Variants in TMEM39A observed in about 807,000 individuals in gnomAD.
The protein encoded by TMEM39A is transmembrane protein 39A.
TMEM39A carries 19 observed loss-of-function variants against 51.9 expected under a neutral mutation model. The observed-to-expected ratio is 0.37, with a 90% CI of 0.26 to 0.54. The LOEUF (loss-of-function observed/expected upper bound fraction) is 0.54. Among genes scored for constraint, TMEM39A ranks in the 20% least tolerant of loss-of-function variants. The pLI is 0.88. For synonymous variants in TMEM39A, 197 were observed against 220.2 expected, an observed-to-expected ratio of 0.89 and a Z score of 0.93; for missense variants, 433 against 590.5, an observed-to-expected ratio of 0.73 and a Z score of 2.76.
chr3:119,451,613 C>T (rs1449214603), intron 4 of TMEM39A, among the ~76,000 whole-genome samples: 2 of 151,994 alleles, frequency 1.3e-5, no homozygotes, highest in African/African-American at 4.8e-5. Context: ...GGTGGATCAC[C>T]TGAGGTCGGG....
At chr3:119,436,492 G>A (rs951378839) in intron 7 of TMEM39A, 2 of 241,556 alleles carry the variant, frequency 8.3e-6, no homozygotes, top group African/African-American at 4.5e-5. Context: ...ATGACTCTTT[G>A]AATTCGGGCA....
intron 3 of TMEM39A, among the ~76,000 whole-genome samples, chr3:119,456,885 C>T (rs1177035370): frequency 1.3e-5 from 2 of 151,752 alleles, no homozygotes; most frequent in African/African-American, 4.8e-5. Flanking sequence ...GGATTATAGG[C>T]ATAAGCCACC....
intron 3 of TMEM39A, among the ~76,000 whole-genome samples, chr3:119,456,825 C>T (rs2107688119): frequency 6.6e-6 from 1 of 152,300 alleles, no homozygotes; most frequent in East Asian, 1.9e-4. Context: ...AGGCTGGTCT[C>T]AAATTCCTGG....
intron 8 of TMEM39A, among the ~76,000 whole-genome samples, chr3:119,433,392 T>A (rs558265888): frequency 2.6e-5 from 4 of 152,126 alleles, no homozygotes; most frequent in Non-Finnish European, 5.9e-5. Flanking sequence ...CTGAATCACT[T>A]TTTAAAAATA....
intron 5 of TMEM39A, among the ~76,000 whole-genome samples, chr3:119,439,004 C>T (rs1303213392): frequency 6.6e-6 from 1 of 152,128 alleles, no homozygotes; most frequent in Non-Finnish European, 1.5e-5. Context: ...TCTGGTACCT[C>T]AGATAGTGGC....
intron 8 of TMEM39A, among the ~76,000 whole-genome samples, chr3:119,432,721 G>C (rs555229047): frequency 1.3e-5 from 2 of 152,232 alleles, no homozygotes; most frequent in South Asian, 4.1e-4. Context: ...TTGGGGAAAA[G>C]AGAGGTTACA....
chr3:119,449,874 T>C (rs951651218), intron 4 of TMEM39A, among the ~76,000 whole-genome samples: 3 of 152,202 alleles, frequency 2.0e-5, no homozygotes, highest in African/African-American at 7.2e-5. Flanking sequence ...TGAAGGTGAA[T>C]AAACGGACTC....
intron 1 of TMEM39A, among the ~76,000 whole-genome samples, chr3:119,463,060 AC>A (rs1013220732): frequency 1.3e-5 from 2 of 152,142 alleles, no homozygotes; most frequent in African/African-American, 4.8e-5. Context: ...CTGTAAACTA[AC>A]CCCAAGTCAA....
chr3:119,447,274 G>A (rs1472581712), intron 4 of TMEM39A, 102 bp from the exon 5 acceptor site: 5 of 1,210,108 alleles, frequency 4.1e-6, no homozygotes, highest in East Asian at 2.6e-5. Flanking sequence ...AAGCTAAAAT[G>A]TGTCTTTAAA....
chr3:119,448,036 A>T (rs1056144045), intron 4 of TMEM39A, among the ~76,000 whole-genome samples: 1 of 152,136 alleles, frequency 6.6e-6, no homozygotes, highest in African/African-American at 2.4e-5. Flanking sequence ...CTCACCTCTA[A>T]TTTGCTTGGT....
chr3:119,435,174 A>G (rs1398151324), intron 7 of TMEM39A: 1 of 985,306 alleles, frequency 1.0e-6, no homozygotes, highest in African/African-American at 1.7e-5. Flanking sequence ...AAGCCAGAAA[A>G]CAGTGTGTAA....
At chr3:119,432,921 A>G (rs2080919914) in intron 8 of TMEM39A, among the ~76,000 whole-genome samples, 3 of 152,138 alleles carry the variant, frequency 2.0e-5, no homozygotes, top group African/African-American at 7.2e-5. Context: ...ATTAGACTAA[A>G]AATAGGGATT....
intron 4 of TMEM39A, among the ~76,000 whole-genome samples, chr3:119,448,281 T>C (rs2081154481): frequency 6.6e-6 from 1 of 152,182 alleles, no homozygotes; most frequent in African/African-American, 2.4e-5. Flanking sequence ...ATTTTCTTTC[T>C]GAATGAACTA....
At chr3:119,462,461 C>T (rs2081350747) in intron 1 of TMEM39A, among the ~76,000 whole-genome samples, 1 of 152,002 alleles carries the variant, frequency 6.6e-6, no homozygotes, top group South Asian at 2.1e-4. Context: ...TATACATTTC[C>T]AGCTCAATGT....
At chr3:119,437,564 G>A (rs2080987413) in intron 6 of TMEM39A, among the ~76,000 whole-genome samples, 191 bp downstream of exon 6, 2 of 151,292 alleles carry the variant, frequency 1.3e-5, no homozygotes, top group South Asian at 4.2e-4. Context: ...AACCACCACG[G>A]GTGCATCACA....
chr3:119,453,134 G>C (rs975843314), intron 3 of TMEM39A, among the ~76,000 whole-genome samples: 6 of 152,170 alleles, frequency 3.9e-5, no homozygotes, highest in Non-Finnish European at 7.4e-5. Context: ...GTGGTAATAA[G>C]CAAATGAAAA....
intron 2 of TMEM39A, 112 bp from the exon 3 acceptor site, chr3:119,458,352 A>C: frequency 1.2e-6 from 1 of 839,158 alleles, no homozygotes; most frequent in Non-Finnish European, 1.9e-6. Flanking sequence ...CTTTCCCCAC[A>C]AGACTCCATC....
Position 119,458,227 on chromosome 3 carries a change from T to G in TMEM39A, c.127A>C (p.Ile43Leu), listed in dbSNP as rs777211671. Residue 43 changes from isoleucine to leucine, a missense_variant, in exon 3 of 9, where the codon ATT becomes CTT. Transcript: ENST00000319172. ...TGLRNRNGSA[I>L]GLPVPPITAL... ...GTGATAGGTGGGACTGGAAGGCCAATAGCACTACCATTCCTGAAAGAGAAA... is the reference window on the plus strand; with the variant it reads ...GTGATAGGTGGGACTGGAAGGCCAAGAGCACTACCATTCCTGAAAGAGAAA... 1.2e-6 allele frequency: 2 copies of G among 1,613,970 alleles called. No homozygotes were observed. The highest frequency in any genetic ancestry group is 2.2e-5 in the South Asian group (2 of 91,072).
Position 119,436,784 on chromosome 3 carries a change from T to C in TMEM39A, c.1112+7A>G, listed in dbSNP as rs1396633859. On this transcript the variant is annotated splice_region_variant and intron_variant, in intron 7 of 8. Coordinates refer to ENST00000319172, the MANE Select transcript of TMEM39A (RefSeq NM_018266.3). The stretch of plus-strand genomic sequence containing the variant: ...TGTTACATGGTTTTACCCTCTAGCT[T>C]ACTCACATGTGCTGTGGAGCATTGC... 12 of 1,606,512 alleles carry C rather than the reference T, an allele frequency of 7.5e-6. No individual in the cohort carries two copies. Among genetic ancestry groups the C allele is most frequent in the Non-Finnish European group, 9.4e-6 (11 of 1,174,722 alleles).
Sources: gnomAD v4.1 joint callset for allele counts (sites outside exome capture counted in the v4.1 genomes callset) on GRCh38, gnomAD v4.1.1 for gene constraint, MANE v1.5 for transcripts, NCBI Gene and HGNC (gene_info 2026-07-23, HGNC 2026-07-21) for gene names.